Variants in EBF2 observed in about 807,000 individuals in gnomAD.
EBF2 encodes transcription factor COE2.
In EBF2, 21 loss-of-function variants were observed where a neutral mutation model predicts 72.8. The observed-to-expected ratio is 0.29, with a 90% CI of 0.20 to 0.42. The LOEUF (loss-of-function observed/expected upper bound fraction) is 0.42. EBF2 is among the 10% of genes least tolerant of loss of function. The pLI is 1.00. For missense variants in EBF2, 637 were observed against 731.2 expected (o/e 0.87, Z 1.49); for synonymous variants, 299 against 274.2 (o/e 1.09, Z -0.89).
At chr8:26,020,716 T>C (rs1805191128) in intron 6 of EBF2, among the ~76,000 whole-genome samples, 1 of 151,922 alleles carries the variant, frequency 6.6e-6, no homozygotes, top group Non-Finnish European at 1.5e-5. Context: ...CCTTTTGCTA[T>C]GTAGGTTGAA....
chr8:26,023,578 C>G (rs2117246994), intron 6 of EBF2, among the ~76,000 whole-genome samples: 1 of 152,280 alleles, frequency 6.6e-6, no homozygotes, highest in East Asian at 1.9e-4. Flanking sequence ...TCCCTCTTTT[C>G]TAAAGAATTA....
At chr8:25,855,659 T>C (rs991417861) in intron 14 of EBF2, among the ~76,000 whole-genome samples, 3 of 152,196 alleles carry the variant, frequency 2.0e-5, no homozygotes, top group African/African-American at 7.2e-5. Context: ...GCTTTTCTTT[T>C]TTTGTATTTC....
chr8:25,867,649 C>T (rs984992528), intron 10 of EBF2, among the ~76,000 whole-genome samples: 4 of 152,180 alleles, frequency 2.6e-5, no homozygotes, highest in Admixed American at 2.0e-4. Context: ...CCATGATTTC[C>T]ACATGCAGCT....
chr8:25,868,987 T>G (rs1802383487), intron 10 of EBF2, among the ~76,000 whole-genome samples: 2 of 152,320 alleles, frequency 1.3e-5, no homozygotes, highest in South Asian at 4.1e-4. Context: ...TGTTCTATAT[T>G]TTTAGAAACT....
chr8:25,966,147 G>T (rs1012683855), intron 6 of EBF2, among the ~76,000 whole-genome samples: 2 of 152,236 alleles, frequency 1.3e-5, no homozygotes, highest in Admixed American at 6.5e-5. Flanking sequence ...GAGGGCTTTT[G>T]CTCAAGGCCT....
chr8:25,945,936 G>C (rs1336273420), intron 6 of EBF2, among the ~76,000 whole-genome samples: 1 of 152,136 alleles, frequency 6.6e-6, no homozygotes, highest in African/African-American at 2.4e-5. Context: ...TCTGGTTTCA[G>C]AATGAGCAAG....
chr8:25,852,112 T>C (rs764098761), intron 14 of EBF2, among the ~76,000 whole-genome samples: 40 of 152,104 alleles, frequency 2.6e-4, no homozygotes, highest in Non-Finnish European at 3.2e-4. Flanking sequence ...TCCTCATATA[T>C]GGATAAAAAG....
At chr8:25,971,346 GTTC>G (rs1458557861) in intron 6 of EBF2, among the ~76,000 whole-genome samples, 1 of 128,950 alleles carries the variant, frequency 7.8e-6, no homozygotes, top group African/African-American at 2.7e-5. Flanking sequence ...GGGCAACAGA[GTTC>G]AGTCTCATTT....
Position 26,009,520 on chromosome 8 carries a change from CT to C in EBF2, c.551+23564del, listed in dbSNP as rs1804942896. On this transcript the variant is annotated intron_variant, in intron 6 of 15. Transcript: ENST00000520164. ...AATAATTATGCAAAAGGTAGATAGC[CT>C]TTACTGAAATGCAAACGCTGCAAAA... 5.3e-5 allele frequency among the ~76,000 whole-genome samples: 8 copies of C among 152,244 alleles called. No homozygotes were observed. In the South Asian group the frequency reaches 1.7e-3, roughly 32 times the overall value.
chr8:25,992,496 C>G (rs980267451), intron 6 of EBF2, among the ~76,000 whole-genome samples: 1 of 152,044 alleles, frequency 6.6e-6, no homozygotes, highest in Non-Finnish European at 1.5e-5. Flanking sequence ...TTTGGTGGTG[C>G]GCTTGGTCAG....
chr8:26,033,022 C>CA, intron 6 of EBF2, 63 bp downstream of exon 6: 1 of 1,464,800 alleles, frequency 6.8e-7, no homozygotes, highest in Non-Finnish European at 9.6e-7. Flanking sequence ...GATCAGTACT[C>CA]AGAGTTGAGG....
intron 7 of EBF2, among the ~76,000 whole-genome samples, chr8:25,900,000 G>C (rs1004782772): frequency 1.3e-5 from 2 of 152,140 alleles, no homozygotes; most frequent in African/African-American, 4.8e-5. Flanking sequence ...GATGCGCCAG[G>C]TGTGTTTTCA....
At position 25,886,896 on chromosome 8, in the gene EBF2, G is replaced by A; in HGVS notation, c.883-15C>T. ...GGGGTTATTAGCTGAGGAATGAACAGGCAGGGAAATAAAATACCCATTAGA... is the reference window on the plus strand; with the variant it reads ...GGGGTTATTAGCTGAGGAATGAACAAGCAGGGAAATAAAATACCCATTAGA... On this transcript the variant is annotated splice_polypyrimidine_tract_variant and intron_variant, in intron 9 of 15. Coordinates refer to ENST00000520164, the MANE Select transcript of EBF2 (RefSeq NM_022659.4). 6.2e-7 allele frequency: 1 copy of A among 1,609,704 alleles called. No individual in the cohort carries two copies.
intron 13 of EBF2, among the ~76,000 whole-genome samples, chr8:25,859,917 A>G (rs1033912734): frequency 1.3e-5 from 2 of 151,964 alleles, no homozygotes; most frequent in African/African-American, 2.4e-5. Context: ...GGGTTTCACC[A>G]TGCTGCCCAG....
chr8:26,000,041 G>T (rs112577197), intron 6 of EBF2, among the ~76,000 whole-genome samples: 1 of 152,092 alleles, frequency 6.6e-6, no homozygotes, highest in South Asian at 2.1e-4. Flanking sequence ...TCATAACAGC[G>T]GGCCATGAAA....
At chr8:25,907,987 C>T (rs752613349) in intron 7 of EBF2, among the ~76,000 whole-genome samples, 3 of 152,158 alleles carry the variant, frequency 2.0e-5, no homozygotes, top group African/African-American at 2.4e-5. Flanking sequence ...GTCACCGTCC[C>T]GTGGGTCTTG....
In EBF2 at chr8:25,953,948, A is replaced by T. The variant is rs114805036; in HGVS notation, c.552-45393T>A. Reference sequence around the variant, plus strand: ...GTTGCATATTAAACAGATGGGATGCAGATTTGAGACCTGTTAAAGGTTGGG... The same window carrying T: ...GTTGCATATTAAACAGATGGGATGCTGATTTGAGACCTGTTAAAGGTTGGG... On this transcript the variant is annotated intron_variant, in intron 6 of 15. Transcript: ENST00000520164. Among the ~76,000 whole-genome samples, 158 of 152,316 alleles carry T rather than the reference A, an allele frequency of 1.0e-3. 1 individual carries two copies. Among genetic ancestry groups the T allele is most frequent in the African/African-American group, 3.7e-3 (153 of 41,584 alleles).
At chr8:25,854,277 A>T (rs1184833805) in intron 14 of EBF2, among the ~76,000 whole-genome samples, 1 of 151,196 alleles carries the variant, frequency 6.6e-6, no homozygotes, top group African/African-American at 2.4e-5. Context: ...AAATCCTCAC[A>T]TTCCTGGGAA....
At chr8:25,871,538 AAAT>A (rs1049889868) in intron 10 of EBF2, among the ~76,000 whole-genome samples, 3 of 152,216 alleles carry the variant, frequency 2.0e-5, no homozygotes, top group Non-Finnish European at 4.4e-5. Flanking sequence ...ACCTTTTATT[AAAT>A]AATTATGGCA....
Sources: gnomAD v4.1 joint callset for allele counts (sites outside exome capture counted in the v4.1 genomes callset) on GRCh38, gnomAD v4.1.1 for gene constraint, MANE v1.5 for transcripts, NCBI Gene and HGNC (gene_info 2026-07-23, HGNC 2026-07-21) for gene names.